MED13: variants seen among roughly 807,000 people sequenced by gnomAD.
The protein encoded by MED13 is mediator of RNA polymerase II transcription subunit 13.
In MED13, 23 loss-of-function variants were observed where a neutral mutation model predicts 225.2. The ratio of observed to expected loss-of-function variants is 0.10; its 90% CI spans 0.07 to 0.14. The LOEUF (loss-of-function observed/expected upper bound fraction) is 0.14. Ranked by LOEUF, MED13 falls within the 10% of genes least tolerant of loss-of-function variation. The probability of loss-of-function intolerance (pLI) is 1.00; values close to 1 mark genes in which losing one functional copy is unlikely to be tolerated. For synonymous variants in MED13, 942 were observed against 889.2 expected (o/e 1.06, Z -1.06); for missense variants, 2,197 against 2,594.5 (o/e 0.85, Z 3.33).
In MED13 at chr17:61,951,004, A is replaced by G. The variant is rs762108239; in HGVS notation, c.6118-6T>C. ...AGCCGATCAGTACTCTGACCCTTAAAAAGACAAAATTAAAAGTATATTAGT... is the reference window on the plus strand; with the variant it reads ...AGCCGATCAGTACTCTGACCCTTAAGAAGACAAAATTAAAAGTATATTAGT... On this transcript the variant is annotated splice_polypyrimidine_tract_variant and splice_region_variant and intron_variant, in intron 27 of 29. Coordinates refer to ENST00000397786, the MANE Select transcript of MED13 (RefSeq NM_005121.3). 6.2e-7 allele frequency: 1 copy of G among 1,605,712 alleles called. No homozygotes were observed. Among genetic ancestry groups the G allele is most frequent in the African/African-American group, 1.3e-5 (1 of 74,636 alleles).
chr17:62,042,334 C>T (rs762073988), intron 3 of MED13, among the ~76,000 whole-genome samples: 5 of 152,018 alleles, frequency 3.3e-5, no homozygotes, highest in Non-Finnish European at 7.4e-5. Context: ...GAGGCCAAGG[C>T]GGGTGGATCA....
Position 61,995,267 on chromosome 17 carries a change from G to A in MED13, c.2066C>T (p.Ala689Val). 1 of 1,613,278 alleles carries A rather than the reference G, an allele frequency of 6.2e-7. No homozygotes were observed. The highest frequency in any genetic ancestry group is 1.1e-5 in the South Asian group (1 of 91,028). ...TGGATCAATTTTAGGTTCTTGTTCT[G>A]CATCAGATGCTATTGCTGAAAGACA... ...NQCLSAIASD[A>V]EQEPKIDPYA... Residue 689 changes from alanine (A) to valine (V), a missense_variant, in exon 10 of 30, where the codon GCA becomes GTA. By Grantham distance (64) the Ala-to-Val change is moderately conservative (BLOSUM62 0). Transcript: ENST00000397786.
chr17:62,057,984 C>T (rs2143774442), intron 2 of MED13, among the ~76,000 whole-genome samples: 1 of 152,062 alleles, frequency 6.6e-6, no homozygotes, highest in Non-Finnish European at 1.5e-5. Flanking sequence ...AATTGAATTC[C>T]AAAAATGTTA....
chr17:61,962,405 T>C (rs1001355986), intron 21 of MED13, among the ~76,000 whole-genome samples: 5 of 152,200 alleles, frequency 3.3e-5, no homozygotes, highest in Admixed American at 1.3e-4. Context: ...AACAACTTAA[T>C]ATGGTTAATT....
chr17:61,951,741 T>C (rs1237350984), intron 27 of MED13, among the ~76,000 whole-genome samples: 1 of 152,210 alleles, frequency 6.6e-6, no homozygotes, highest in Non-Finnish European at 1.5e-5. Context: ...GTGGGATTAC[T>C]GGTGCTTTTT....
intron 3 of MED13, among the ~76,000 whole-genome samples, chr17:62,038,395 T>A (rs908307699): frequency 3.3e-5 from 5 of 151,708 alleles, no homozygotes; most frequent in African/African-American, 1.2e-4. Context: ...AAAAAGATAT[T>A]TAAAATGGAT....
intron 3 of MED13, 147 bp from the exon 4 acceptor site, chr17:62,035,755 G>A (rs889422511): frequency 5.1e-5 from 35 of 680,018 alleles, no homozygotes; most frequent in East Asian, 3.0e-4. Context: ...TCATGGATAT[G>A]AGCAAAGACT....
chr17:61,987,311 T>C lies in MED13; in HGVS notation c.2264-183A>G, dbSNP rs1443265591. ...TCAGCTGAGTGTGGTGGCAGGCGCA[T>C]GTAATCCCAGCTACTTGGGAGGATG... On this transcript the variant is annotated intron_variant, in intron 11 of 29. Transcript: ENST00000397786. 4.6e-5 allele frequency among the ~76,000 whole-genome samples: 7 copies of C among 152,054 alleles called. 1 individual carries two copies. Among genetic ancestry groups the C allele is most frequent in the South Asian group, 2.1e-4 (1 of 4,832 alleles).
chr17:61,980,194 AAAAC>A (rs199572603), intron 16 of MED13, among the ~76,000 whole-genome samples: 3,042 of 152,172 alleles, frequency 0.02, 45 homozygotes, highest in South Asian at 0.04. Context: ...TCTCAAAACA[AAAAC>A]AAACAAACAA....
In MED13 at chr17:62,031,645, G is replaced by T; in HGVS notation, c.815-7C>A. On this transcript the variant is annotated splice_polypyrimidine_tract_variant and splice_region_variant and intron_variant, in intron 5 of 29. Transcript: ENST00000397786. The stretch of plus-strand genomic sequence containing the variant: ...TAGATCATTCGGACACCAGCTGAAA[G>T]GAAAAAAATGGGACAGGAAAACCAA... 1 of 1,517,912 alleles carries T rather than the reference G, an allele frequency of 6.6e-7. No homozygotes were observed. Among genetic ancestry groups the T allele is most frequent in the Non-Finnish European group, 8.8e-7 (1 of 1,131,270 alleles). The allele number at this position is 1,517,912 out of a possible 1,614,324, so 94.0% of individuals were successfully genotyped here. A position where few individuals can be genotyped will look rare whatever the true frequency, so the allele number is the denominator to read the frequency against.
intron 3 of MED13, among the ~76,000 whole-genome samples, chr17:62,049,707 G>C (rs987184512): frequency 6.6e-6 from 1 of 152,044 alleles, no homozygotes; most frequent in Non-Finnish European, 1.5e-5. Context: ...CGAGGTGGGC[G>C]GATCACAAGG....
In MED13 at chr17:61,965,002, G is replaced by A; in HGVS notation, c.4844+4C>T. On this transcript the variant is annotated splice_donor_region_variant and intron_variant, in intron 20 of 29. Transcript: ENST00000397786. ...TCTGCAAAAATCAGTATTTTTAAAG[G>A]TACCTTTCAGACACATCAGGATGCG... 3.1e-6 allele frequency: 5 copies of A among 1,606,402 alleles called. No individual in the cohort carries two copies. Among genetic ancestry groups the A allele is most frequent in the Non-Finnish European group, 4.3e-6 (5 of 1,176,160 alleles).
At position 61,984,801 on chromosome 17, in the gene MED13, AAATCCCATAATATGTTGT is replaced by A. The variant is rs1405950223; in HGVS notation, c.2523_2540del (p.Glu841_Phe847delinsAsp). The A allele has an allele frequency of 6.2e-7, 1 of 1,613,686 alleles. No individual in the cohort carries two copies. ...CTTTATTATTCATATTCATTGGGGA[AAATCCCATAATATGTTGT>A]TCCAATGATGGTGGTGTAGGATACA... On this transcript the variant is annotated inframe_deletion, in exon 14 of 30. Transcript: ENST00000397786.
At chr17:62,017,579 T>G (rs1215772509) in intron 8 of MED13, among the ~76,000 whole-genome samples, 1 of 152,200 alleles carries the variant, frequency 6.6e-6, no homozygotes, top group Non-Finnish European at 1.5e-5. Flanking sequence ...ACTTTTTTAT[T>G]ATGTTGAAAT....
At position 61,943,566 on chromosome 17, in the gene MED13, T is replaced by G. The variant is rs927243175; in HGVS notation, c.*2902A>C. Reference sequence around the variant, plus strand: ...TTGACTAAGTAGTAAGAGCTTAATTTTAGTGGTTTAAGAAAAGTTTAGAAA... The same window carrying G: ...TTGACTAAGTAGTAAGAGCTTAATTGTAGTGGTTTAAGAAAAGTTTAGAAA... On this transcript the variant is annotated 3_prime_UTR_variant, in exon 30 of 30. Transcript: ENST00000397786. The G allele has an allele frequency of 1.3e-5, 2 of 152,578 alleles. No individual in the cohort carries two copies. The highest frequency in any genetic ancestry group is 4.8e-5 in the African/African-American group (2 of 41,462). 9.5% of individuals were successfully genotyped at this position (152,578 alleles called of 1,614,324 possible).
At chr17:61,995,624 G>A (rs911965946) in intron 9 of MED13, among the ~76,000 whole-genome samples, 5 of 152,090 alleles carry the variant, frequency 3.3e-5, no homozygotes, top group African/African-American at 1.2e-4. Context: ...GGTAATTCAC[G>A]GTTTAGGTAA....
intron 9 of MED13, among the ~76,000 whole-genome samples, chr17:61,997,284 G>A (rs1254157016): frequency 2.0e-5 from 3 of 152,008 alleles, no homozygotes; most frequent in Non-Finnish European, 2.9e-5. Flanking sequence ...TTCCAAATAC[G>A]CCCCAGATTT....
At chr17:61,948,951 A>G (rs945937673) in intron 28 of MED13, among the ~76,000 whole-genome samples, 2 of 150,238 alleles carry the variant, frequency 1.3e-5, no homozygotes, top group Non-Finnish European at 1.5e-5. Context: ...AGCCGGGCGT[A>G]GTGGCGGGCG....
rs143357155 is a variant in MED13, at chr17:62,045,189, G to A, written c.470+7348C>T. On this transcript the variant is annotated intron_variant, in intron 3 of 29. Coordinates refer to ENST00000397786, the MANE Select transcript of MED13 (RefSeq NM_005121.3). The stretch of plus-strand genomic sequence containing the variant: ...CAAAACCTCCTATGTCACTATATAC[G>A]TAAGATACTGAACTAGCTGTCTAAA... Among the ~76,000 whole-genome samples the A allele has an allele frequency of 2.0e-3, 310 of 152,136 alleles. 1 individual carries two copies. Among genetic ancestry groups the A allele is most frequent in the African/African-American group, 7.0e-3 (290 of 41,506 alleles).
Sources: allele counts gnomAD v4.1 joint callset (sites outside exome capture counted in the v4.1 genomes callset), GRCh38; gene constraint gnomAD v4.1.1; transcripts MANE v1.5; gene names NCBI Gene and HGNC (gene_info 2026-07-23, HGNC 2026-07-21).